Variants in NKAIN2 observed in about 807,000 individuals in gnomAD.
The protein encoded by NKAIN2 is sodium/potassium transporting ATPase interacting 2.
NKAIN2 carries 14 observed loss-of-function variants against 32.6 expected under a neutral mutation model. The ratio of observed to expected loss-of-function variants is 0.43; its 90% CI spans 0.28 to 0.67. The LOEUF (loss-of-function observed/expected upper bound fraction) is 0.67, where lower values mean the gene tolerates loss of function less well. NKAIN2 is among the 30% of genes least tolerant of loss of function. NKAIN2 has a pLI of 0.17. For missense variants in NKAIN2, 198 were observed against 258.3 expected (o/e 0.77, Z 1.60); for synonymous variants, 80 against 87.2 (o/e 0.92, Z 0.46).
At chr6:123,892,559 G>A (rs767255954) in intron 1 of NKAIN2, among the ~76,000 whole-genome samples, 3 of 151,918 alleles carry the variant, frequency 2.0e-5, no homozygotes, top group Non-Finnish European at 4.4e-5. Context: ...ACCTTGACAC[G>A]TGGGGATTAT....
intron 1 of NKAIN2, among the ~76,000 whole-genome samples, chr6:124,007,309 G>A (rs4072902): frequency 0.32 from 48,923 of 152,050 alleles, 7,931 homozygotes; most frequent in East Asian, 0.39. Flanking sequence ...ACTGTAGTTA[G>A]ATTCTTCTGA....
At chr6:124,417,809 C>G (rs555231291) in intron 3 of NKAIN2, among the ~76,000 whole-genome samples, 1 of 152,244 alleles carries the variant, frequency 6.6e-6, no homozygotes, top group Admixed American at 6.5e-5. Flanking sequence ...CTTTCACATT[C>G]TCTATTTTAC....
chr6:124,295,917 G>A lies in NKAIN2; in HGVS notation c.192+12775G>A, dbSNP rs1442553415. 3.3e-5 allele frequency among the ~76,000 whole-genome samples: 5 copies of A among 151,574 alleles called. No homozygotes were observed. In the South Asian group the frequency reaches 8.3e-4, roughly 25 times the overall value. On this transcript the variant is annotated intron_variant, in intron 2 of 6. Transcript: ENST00000368417. ...GACTTCAGGGAACATATGCCAATTT[G>A]TCAATCTGGTGATACCTTTTTTCTT...
chr6:124,191,568 CT>C (rs1790023927), intron 1 of NKAIN2, among the ~76,000 whole-genome samples: 1 of 152,090 alleles, frequency 6.6e-6, no homozygotes, highest in Non-Finnish European at 1.5e-5. Context: ...GTATGTCTTC[CT>C]TTCCAGTATT....
At chr6:124,657,049 C>G (rs1171491864) in intron 3 of NKAIN2, among the ~76,000 whole-genome samples, 1 of 152,182 alleles carries the variant, frequency 6.6e-6, no homozygotes, top group African/African-American at 2.4e-5. Flanking sequence ...CATAGCACAC[C>G]TTTTTCCAAA....
In NKAIN2 at chr6:124,218,816, T is replaced by A. The variant is rs556786908; in HGVS notation, c.55-64189T>A. 3.7e-4 allele frequency among the ~76,000 whole-genome samples: 57 copies of A among 152,288 alleles called. 1 individual carries two copies. The South Asian group carries it at 0.01, about 28-fold the overall frequency. On this transcript the variant is annotated intron_variant, in intron 1 of 6. Transcript: ENST00000368417. ...TGTAACTCCTGGTGACAGCTATAAA[T>A]TGAGTATTGTATTAGTTCATTTTCA... is the stretch of plus-strand genomic sequence containing the variant.
At chr6:124,014,415 C>T (rs1780474708) in intron 1 of NKAIN2, among the ~76,000 whole-genome samples, 1 of 151,982 alleles carries the variant, frequency 6.6e-6, no homozygotes, top group South Asian at 2.1e-4. Context: ...TATATTTCTA[C>T]AAAGTAATTT....
At chr6:124,031,179 G>A (rs1030258415) in intron 1 of NKAIN2, among the ~76,000 whole-genome samples, 3 of 152,114 alleles carry the variant, frequency 2.0e-5, no homozygotes, top group Non-Finnish European at 4.4e-5. Flanking sequence ...ATACTTCAGT[G>A]TAACAAGACG....
At chr6:124,363,465 T>C (rs965418991) in intron 3 of NKAIN2, among the ~76,000 whole-genome samples, 1 of 152,068 alleles carries the variant, frequency 6.6e-6, no homozygotes, top group Admixed American at 6.6e-5. Flanking sequence ...TTGAGGGAGG[T>C]GGTCTAGTGC....
chr6:124,070,332 A>G (rs1340744888), intron 1 of NKAIN2, among the ~76,000 whole-genome samples: 2 of 152,334 alleles, frequency 1.3e-5, no homozygotes, highest in East Asian at 1.9e-4. Flanking sequence ...AATTCTTTAC[A>G]TAATGCACTG....
At chr6:123,883,910 A>AAG (rs1773588240) in intron 1 of NKAIN2, among the ~76,000 whole-genome samples, 1 of 150,466 alleles carries the variant, frequency 6.6e-6, no homozygotes, top group African/African-American at 2.4e-5. Context: ...AAAAAAAAAA[A>AAG]AAAAAAATTA....
intron 1 of NKAIN2, among the ~76,000 whole-genome samples, chr6:124,012,733 T>C (rs1157381327): frequency 1.3e-5 from 2 of 152,210 alleles, no homozygotes; most frequent in Admixed American, 6.5e-5. Context: ...TTTCACCTGT[T>C]AATAGACACT....
At chr6:124,707,917 A>G (rs1775189302) in intron 4 of NKAIN2, among the ~76,000 whole-genome samples, 2 of 151,998 alleles carry the variant, frequency 1.3e-5, no homozygotes, top group African/African-American at 2.4e-5. Flanking sequence ...GTCCTTGCCC[A>G]TGCCTATGTC....
At chr6:124,026,312 A>G (rs981643494) in intron 1 of NKAIN2, among the ~76,000 whole-genome samples, 4 of 152,220 alleles carry the variant, frequency 2.6e-5, no homozygotes, top group African/African-American at 7.2e-5. Context: ...TTTCTCTTCT[A>G]CAGTATTCAT....
At chr6:124,142,544 A>G (rs968402321) in intron 1 of NKAIN2, among the ~76,000 whole-genome samples, 1 of 152,184 alleles carries the variant, frequency 6.6e-6, no homozygotes, top group Non-Finnish European at 1.5e-5. Context: ...TTGACAGAGG[A>G]TGGGAGAATT....
At chr6:124,814,735 C>T (rs956068384) in intron 5 of NKAIN2, among the ~76,000 whole-genome samples, 1 of 152,100 alleles carries the variant, frequency 6.6e-6, no homozygotes, top group African/African-American at 2.4e-5. Flanking sequence ...CTGACTCAAG[C>T]TTTGCTGTCC....
At chr6:124,580,830 A>G (rs1375085419) in intron 3 of NKAIN2, among the ~76,000 whole-genome samples, 1 of 152,232 alleles carries the variant, frequency 6.6e-6, no homozygotes, top group African/African-American at 2.4e-5. Flanking sequence ...TTCCATGGAA[A>G]TGGAAACAAA....
chr6:124,753,547 C>T (rs796942889), intron 4 of NKAIN2, among the ~76,000 whole-genome samples: 24 of 152,106 alleles, frequency 1.6e-4, no homozygotes, highest in African/African-American at 5.5e-4. Flanking sequence ...GCATGGACCA[C>T]AATGGGCATG....
At chr6:124,196,131 A>G (rs1250894650) in intron 1 of NKAIN2, among the ~76,000 whole-genome samples, 4 of 152,096 alleles carry the variant, frequency 2.6e-5, no homozygotes, top group Non-Finnish European at 4.4e-5. Context: ...CAGTCTTAAT[A>G]TTTTCATATA....
Sources: gnomAD v4.1 joint callset for allele counts (sites outside exome capture counted in the v4.1 genomes callset) on GRCh38, gnomAD v4.1.1 for gene constraint, MANE v1.5 for transcripts, NCBI Gene and HGNC (gene_info 2026-07-23, HGNC 2026-07-21) for gene names.